TRPM3: variants seen among roughly 807,000 people sequenced by gnomAD.
TRPM3 encodes transient receptor potential cation channel subfamily M member 3, also known as long transient receptor potential channel 3.
TRPM3 carries 77 observed loss-of-function variants against 181.2 expected under a neutral mutation model. That is an observed-to-expected ratio of 0.42 (90% CI 0.35 to 0.51). The LOEUF is 0.51. Ranked by LOEUF, TRPM3 falls within the 20% of genes least tolerant of loss-of-function variation. The pLI is 0.01. For missense variants in TRPM3, 1,759 were observed against 2,196.7 expected, an observed-to-expected ratio of 0.80 and a Z score of 3.98; for synonymous variants, 745 against 796.4, an observed-to-expected ratio of 0.94 and a Z score of 1.09.
intron 1 of TRPM3, among the ~76,000 whole-genome samples, chr9:70,967,244 G>A (rs752176809): frequency 6.6e-6 from 1 of 151,992 alleles, no homozygotes; most frequent in African/African-American, 2.4e-5. Context: ...GTTCCTTGGG[G>A]ACAGTCAGTG....
At chr9:71,440,195 A>G (rs567703076) in intron 1 of TRPM3, among the ~76,000 whole-genome samples, 2 of 152,292 alleles carry the variant, frequency 1.3e-5, no homozygotes, top group South Asian at 2.1e-4. Flanking sequence ...CTCACTAGGA[A>G]AGGAAGAAGG....
chr9:70,955,182 G>A (rs185280566), intron 1 of TRPM3, among the ~76,000 whole-genome samples: 2 of 151,500 alleles, frequency 1.3e-5, no homozygotes, highest in African/African-American at 4.8e-5. Flanking sequence ...TTTGAGAGAC[G>A]AAAAAAAAGT....
intron 5 of TRPM3, among the ~76,000 whole-genome samples, chr9:70,830,574 T>A (rs2093826450): frequency 6.6e-6 from 1 of 152,238 alleles, no homozygotes; most frequent in African/African-American, 2.4e-5. Flanking sequence ...AGAGAGTTTG[T>A]CTGCTGAATA....
chr9:71,066,969 A>G (rs2062007173), intron 1 of TRPM3, among the ~76,000 whole-genome samples: 2 of 152,234 alleles, frequency 1.3e-5, no homozygotes, highest in Middle Eastern at 3.4e-3. Context: ...GAGGTTTGGG[A>G]AAAAAACTGT....
At chr9:71,001,557 G>A (rs1396344634) in intron 1 of TRPM3, among the ~76,000 whole-genome samples, 3 of 152,102 alleles carry the variant, frequency 2.0e-5, no homozygotes, top group African/African-American at 7.2e-5. Context: ...ACCACACAAT[G>A]TCTATTAGGG....
intron 1 of TRPM3, among the ~76,000 whole-genome samples, chr9:71,381,608 A>C (rs1201145574): frequency 1.3e-5 from 2 of 152,166 alleles, no homozygotes; most frequent in Non-Finnish European, 2.9e-5. Flanking sequence ...ACATGAACGT[A>C]AACCTATGTA....
intron 1 of TRPM3, among the ~76,000 whole-genome samples, chr9:71,420,484 C>T (rs1485750712): frequency 1.4e-5 from 2 of 147,420 alleles, no homozygotes; most frequent in African/African-American, 2.5e-5. Flanking sequence ...AAACAGATAC[C>T]AGAAGAAGCT....
intron 1 of TRPM3, among the ~76,000 whole-genome samples, chr9:71,325,080 G>C (rs369200374): frequency 6.6e-6 from 1 of 151,724 alleles, no homozygotes; most frequent in Non-Finnish European, 1.5e-5. Context: ...TCAGGTGATG[G>C]GTACCTAAAA....
intron 1 of TRPM3, among the ~76,000 whole-genome samples, chr9:70,871,494 A>G (rs943529989): frequency 1.3e-5 from 2 of 152,040 alleles, no homozygotes; most frequent in Admixed American, 1.3e-4. Context: ...CTTTCCATGA[A>G]CTTTAACCAA....
chr9:71,032,086 TA>T lies in TRPM3; in HGVS notation c.177+89091del, dbSNP rs2057532997. Among the ~76,000 whole-genome samples the T allele has an allele frequency of 2.7e-3, 4 of 1,496 alleles. 1 individual carries two copies. In the Admixed American group the frequency reaches 0.071, roughly 27 times the overall value. 1.0% of individuals were successfully genotyped at this position (1,496 alleles called of 152,430 possible). ...TATATATTATATTATATTATATATATATAATTATATAATATTATATATATTA... is the reference window on the plus strand; with the variant it reads ...TATATATTATATTATATTATATATATTAATTATATAATATTATATATATTA... On this transcript the variant is annotated intron_variant, in intron 1 of 25. Coordinates refer to ENST00000677713, the MANE Select transcript of TRPM3 (RefSeq NM_001366145.2).
At chr9:70,585,385 C>T (rs143123997) in intron 22 of TRPM3, among the ~76,000 whole-genome samples, 1,885 of 152,224 alleles carry the variant, frequency 0.012, 38 homozygotes, top group African/African-American at 0.042. Flanking sequence ...TTAACCATCA[C>T]GGTGGTTGAT....
intron 1 of TRPM3, 25 bp from the exon 2 acceptor site, chr9:70,864,536 A>AAAAAAAAAAG: frequency 6.9e-7 from 1 of 1,455,846 alleles, no homozygotes; most frequent in Non-Finnish European, 9.1e-7. Context: ...AAAAAAAAAA[A>AAAAAAAAAAG]AAAAAGAAAA....
intron 22 of TRPM3, among the ~76,000 whole-genome samples, chr9:70,569,191 T>C (rs761772922): frequency 6.6e-6 from 1 of 152,238 alleles, no homozygotes; most frequent in Non-Finnish European, 1.5e-5. Context: ...GCCATCTTCA[T>C]GTCTTGTTTA....
At chr9:71,410,538 C>T (rs528760610) in intron 1 of TRPM3, among the ~76,000 whole-genome samples, 3 of 152,232 alleles carry the variant, frequency 2.0e-5, no homozygotes, top group Admixed American at 6.5e-5. Flanking sequence ...GACACATGCA[C>T]CCTCCAAAGA....
In TRPM3 at chr9:70,535,662, G is replaced by C; in HGVS notation, c.*291C>G. On this transcript the variant is annotated 3_prime_UTR_variant, in exon 26 of 26. Coordinates refer to ENST00000677713, the MANE Select transcript of TRPM3 (RefSeq NM_001366145.2). ...TCCCCTGCTCTCATGGCTTTCTGCT[G>C]TGACTGCGGATACACATTCATCTCT... 2 of 1,441,628 alleles carry C rather than the reference G, an allele frequency of 1.4e-6. No individual in the cohort carries two copies. The highest frequency in any genetic ancestry group is 1.8e-6 in the Non-Finnish European group (2 of 1,105,596). 89.3% of individuals were successfully genotyped at this position (1,441,628 alleles called of 1,614,324 possible). A position where few individuals can be genotyped will look rare whatever the true frequency, so the allele number is the denominator to read the frequency against.
chr9:70,601,035 T>C (rs2059829098), intron 20 of TRPM3, among the ~76,000 whole-genome samples: 1 of 152,070 alleles, frequency 6.6e-6, no homozygotes, highest in Non-Finnish European at 1.5e-5. Flanking sequence ...CCTGGGAGCC[T>C]GAGGAGCATC....
intron 1 of TRPM3, among the ~76,000 whole-genome samples, chr9:71,313,619 C>T (rs1232957197): frequency 1.3e-5 from 2 of 152,048 alleles, no homozygotes; most frequent in African/African-American, 2.4e-5. Context: ...TTTCTAATTA[C>T]TTTTTCCTTT....
intron 8 of TRPM3, among the ~76,000 whole-genome samples, chr9:70,749,180 C>A (rs2075704386): frequency 6.6e-6 from 1 of 152,142 alleles, no homozygotes; most frequent in Admixed American, 6.6e-5. Flanking sequence ...CCACTGTGTC[C>A]AGACAAAAGT....
In TRPM3 at chr9:71,368,796, A is replaced by AC. The variant is rs1369004089; in HGVS notation, c.183+77856_183+77857insG. Among the ~76,000 whole-genome samples, 8 of 152,352 alleles carry AC rather than the reference A, an allele frequency of 5.3e-5. 1 individual carries two copies. The East Asian group carries it at 1.5e-3, about 29-fold the overall frequency. ...AATCTTTTTGATTCACAACAGAACA[A>AC]TTAGACAAACACTAATAAGTAAATT... is the stretch of plus-strand genomic sequence containing the variant. On this transcript the variant is annotated intron_variant, in intron 1 of 24. Coordinates refer to the TRPM3 transcript ENST00000357533.
Sources: allele counts gnomAD v4.1 joint callset (sites outside exome capture counted in the v4.1 genomes callset), GRCh38; gene constraint gnomAD v4.1.1; transcripts MANE v1.5; gene names NCBI Gene and HGNC (gene_info 2026-07-23, HGNC 2026-07-21).